The following FREM1 variants were observed in gnomAD, a reference collection of about 807,000 sequenced individuals.
The protein encoded by FREM1 is FRAS1 related extracellular matrix 1.
A neutral mutation model predicts 210.1 loss-of-function variants in FREM1; 220 were observed. That is an observed-to-expected ratio of 1.05 (90% CI 0.94 to 1.17). The LOEUF is 1.17. FREM1 is among the 50% of genes most tolerant of loss of function. The pLI is 0.00. For synonymous variants in FREM1, 1,189 were observed against 980.2 expected (o/e 1.21, Z -3.98); for missense variants, 3,454 against 2,675.5 (o/e 1.29, Z -6.42).
At chr9:14,886,784 G>C (rs1230723645) in intron 1 of FREM1, among the ~76,000 whole-genome samples, 1 of 151,608 alleles carries the variant, frequency 6.6e-6, no homozygotes, top group Non-Finnish European at 1.5e-5. Flanking sequence ...TGTGGTCCCA[G>C]CCACTGGGGA....
At chr9:14,882,712 C>G (rs1478419740) in intron 1 of FREM1, among the ~76,000 whole-genome samples, 1 of 151,496 alleles carries the variant, frequency 6.6e-6, no homozygotes, top group Non-Finnish European at 1.5e-5. Context: ...CCCGCCTCAG[C>G]TCCCAAAGTG....
At chr9:14,867,887 A>T (rs557348313) in intron 2 of FREM1, among the ~76,000 whole-genome samples, 2 of 152,306 alleles carry the variant, frequency 1.3e-5, no homozygotes, top group South Asian at 4.1e-4. Flanking sequence ...GGTAACTCCT[A>T]CTTTAAGCAA....
intron 3 of FREM1, among the ~76,000 whole-genome samples, chr9:14,862,474 C>A (rs975336314): frequency 6.6e-6 from 1 of 152,264 alleles, no homozygotes; most frequent in Non-Finnish European, 1.5e-5. Context: ...ATACCATAAT[C>A]GTGAGCTTAA....
At position 14,776,099 on chromosome 9, in the gene FREM1, C is replaced by T; in HGVS notation, c.4547G>A (p.Arg1516Lys). ...CAGGCCCACGGCCCCTTGGGCCAGT[C>T]TCAACCCCTTGTTCCTGGTTACCAC... ...LPVVTRNKGLRLAQGAVGLLS... is the reference protein window; with the variant it reads ...LPVVTRNKGLKLAQGAVGLLS... Residue 1516 changes from arginine (R) to lysine (K), a missense_variant, in exon 25 of 37, where the codon AGA becomes AAA. Transcript: ENST00000380880. The T allele has an allele frequency of 6.2e-7, 1 of 1,607,758 alleles. No homozygotes were observed. Among genetic ancestry groups the T allele is most frequent in the African/African-American group, 1.3e-5 (1 of 74,938 alleles).
intron 29 of FREM1, among the ~76,000 whole-genome samples, chr9:14,754,189 C>A (rs1240108988): frequency 6.6e-6 from 1 of 152,130 alleles, no homozygotes; most frequent in Non-Finnish European, 1.5e-5. Context: ...GGCAAAGACT[C>A]AAGAAATGGA....
chr9:14,870,053 A>G (rs1209136522), intron 1 of FREM1, among the ~76,000 whole-genome samples: 3 of 152,238 alleles, frequency 2.0e-5, no homozygotes, highest in Non-Finnish European at 4.4e-5. Context: ...TTTTATCTAA[A>G]GTAAAATGCA....
At chr9:14,748,345 C>T (rs1842809745) in intron 31 of FREM1, 56 bp downstream of exon 31, 2 of 978,354 alleles carry the variant, frequency 2.0e-6, no homozygotes, top group Non-Finnish European at 3.1e-6. Flanking sequence ...TTAATATCTT[C>T]TGATCCTTTT....
intron 10 of FREM1, among the ~76,000 whole-genome samples, chr9:14,825,547 G>GTGTATATATATATATATATA: frequency 1.3e-5 from 1 of 75,930 alleles, no homozygotes; most frequent in African/African-American, 5.6e-5. Context: ...GTGTGTGTGT[G>GTGTATATATATATATATATA]TATATATATA....
intron 3 of FREM1, among the ~76,000 whole-genome samples, chr9:14,860,380 G>C (rs1052180424): frequency 6.6e-6 from 1 of 151,826 alleles, no homozygotes; most frequent in African/African-American, 2.4e-5. Flanking sequence ...AAGAGGGGAA[G>C]AAGCTCCTCT....
chr9:14,832,721 A>T (rs1230431667), intron 10 of FREM1, among the ~76,000 whole-genome samples: 1 of 152,146 alleles, frequency 6.6e-6, no homozygotes, highest in East Asian at 1.9e-4. Context: ...AAAGGGTAAA[A>T]ATTTCTCACC....
intron 5 of FREM1, among the ~76,000 whole-genome samples, chr9:14,853,632 G>A (rs1270891997): frequency 1.3e-5 from 2 of 152,102 alleles, no homozygotes; most frequent in African/African-American, 2.4e-5. Context: ...CCTGCCACCA[G>A]TCTGAAAATT....
intron 21 of FREM1, among the ~76,000 whole-genome samples, chr9:14,793,268 G>A (rs1168555047): frequency 6.6e-6 from 1 of 152,192 alleles, no homozygotes; most frequent in Non-Finnish European, 1.5e-5. Flanking sequence ...TAATTTTACA[G>A]ACAGAAACTC....
At position 14,801,803 on chromosome 9, in the gene FREM1, A is replaced by G. The variant is rs778174622; in HGVS notation, c.3543T>C (p.Asp1181=). Residue 1181 remains aspartate, a synonymous_variant, in exon 20 of 37, where the codon GAT becomes GAC. Coordinates refer to ENST00000380880, the MANE Select transcript of FREM1 (RefSeq NM_001379081.2). The part of the protein sequence containing the change: ...ISAVDLDIPQ[D]ALLFSITQKP... The stretch of plus-strand genomic sequence containing the variant: ...TTTGAGTGATGCTGAACAGCAGGGC[A>G]TCCTGGGGAATGTCCAGGTCCACAG... 2 of 1,613,998 alleles carry G rather than the reference A, an allele frequency of 1.2e-6. No individual in the cohort carries two copies. The highest frequency in any genetic ancestry group is 1.7e-6 in the Non-Finnish European group (2 of 1,179,890).
intron 21 of FREM1, among the ~76,000 whole-genome samples, chr9:14,795,358 G>T (rs10961708): frequency 0.094 from 14,230 of 152,180 alleles, 717 homozygotes; most frequent in Non-Finnish European, 0.12. Context: ...GCTGAACTGA[G>T]TCAATCTGAC....
intron 29 of FREM1, among the ~76,000 whole-genome samples, chr9:14,754,920 C>T (rs554561159): frequency 2.0e-4 from 31 of 152,098 alleles, no homozygotes; most frequent in African/African-American, 5.1e-4. Flanking sequence ...GGTGACGCAG[C>T]GTGACTCCAT....
intron 24 of FREM1, among the ~76,000 whole-genome samples, chr9:14,780,742 C>A (rs1221478293): frequency 6.6e-6 from 1 of 152,188 alleles, no homozygotes; most frequent in Non-Finnish European, 1.5e-5. Flanking sequence ...ATCTCTTCTA[C>A]CCAGCCAAAT....
At position 14,776,199 on chromosome 9, in the gene FREM1, T is replaced by C; in HGVS notation, c.4447A>G (p.Ile1483Val). The C allele has an allele frequency of 3.3e-6, 5 of 1,518,798 alleles. No homozygotes were observed. Among genetic ancestry groups the C allele is most frequent in the Non-Finnish European group, 4.4e-6 (5 of 1,134,080 alleles). The allele number at this position is 1,518,798 out of a possible 1,614,324, so 94.1% of individuals were successfully genotyped here. The change falls in exon 25 of 37, where the codon ATC becomes GTC. Residue 1483 changes from isoleucine (I) to valine (V), a missense_variant. Physicochemically the swap from Ile to Val is conservative, Grantham distance 29 (BLOSUM62 3). Coordinates refer to ENST00000380880, the MANE Select transcript of FREM1 (RefSeq NM_001379081.2). ...VTVSSDRFRF[I>V]ISNGLRTEHG... ...TCGGTCCGCAGTCCATTGCTGATGA[T>C]GAATCTGGTAAAGAGAGGCAAGGCA...
At chr9:14,747,480 A>G (rs1037005797) in intron 32 of FREM1, 52 bp from the exon 33 acceptor site, 13 of 1,542,566 alleles carry the variant, frequency 8.4e-6, no homozygotes, top group African/African-American at 8.3e-5. Context: ...ACATCAAGAT[A>G]GCAAACAAAA....
intron 27 of FREM1, among the ~76,000 whole-genome samples, chr9:14,766,771 A>G (rs79797930): frequency 0.12 from 17,569 of 152,178 alleles, 1,358 homozygotes; most frequent in Non-Finnish European, 0.17. Flanking sequence ...AATATGGGGA[A>G]TATGAATCTA....
Sources: gnomAD v4.1 joint callset for allele counts (sites outside exome capture counted in the v4.1 genomes callset) on GRCh38, gnomAD v4.1.1 for gene constraint, MANE v1.5 for transcripts, NCBI Gene and HGNC (gene_info 2026-07-23, HGNC 2026-07-21) for gene names.